FKBP1B: variants seen among roughly 807,000 people sequenced by gnomAD.
FKBP1B encodes the protein peptidyl-prolyl cis-trans isomerase FKBP1B.
A neutral mutation model predicts 13.5 loss-of-function variants in FKBP1B; 4 were observed. The ratio of observed to expected loss-of-function variants is 0.30; its 90% confidence interval spans 0.15 to 0.68. The LOEUF (loss-of-function observed/expected upper bound fraction) is 0.68, where lower values mean the gene tolerates loss of function less well. FKBP1B is among the 30% of genes least tolerant of loss of function. The probability of loss-of-function intolerance (pLI) is 0.76; values close to 1 mark genes in which losing one functional copy is unlikely to be tolerated. For missense variants in FKBP1B, 93 were observed against 136.2 expected, an observed-to-expected ratio of 0.68 and a Z score of 1.58; for synonymous variants, 54 against 53.6, an observed-to-expected ratio of 1.01 and a Z score of -0.03.
intron 2 of FKBP1B, chr2:24,054,314 C>T: frequency 2.5e-6 from 1 of 398,204 alleles, no homozygotes; most frequent in Non-Finnish European, 5.0e-6. Context: ...TTCTCTCCAT[C>T]CTGCAGTATC....
intron 2 of FKBP1B, 155 bp downstream of exon 2, chr2:24,054,104 C>A: frequency 2.7e-6 from 2 of 746,562 alleles, no homozygotes; most frequent in South Asian, 1.5e-5. Context: ...CTCCTCCCAG[C>A]CAGTCTAGTG....
At chr2:24,049,174 C>A (rs1488232675), upstream of FKBP1B, among the ~76,000 whole-genome samples, 2 of 152,034 alleles carry the variant, frequency 1.3e-5, no homozygotes, top group South Asian at 2.1e-4. Context: ...AGCAACACAG[C>A]GAGACCCCGT....
the FKBP1B span, chr2:24,037,877 G>T: frequency 9.3e-6 from 15 of 1,614,038 alleles, no homozygotes; most frequent in African/African-American, 1.3e-5. Context: ...GGCAAACGAG[G>T]AGGCTCCAGT....
the FKBP1B span, chr2:24,037,729 GA>G: frequency 6.2e-7 from 1 of 1,614,134 alleles, no homozygotes; most frequent in Middle Eastern, 1.6e-4. Context: ...ATACACTGAA[GA>G]GGATTTCTTC....
chr2:24,039,681 G>A, the FKBP1B span, among the ~76,000 whole-genome samples: 10,665 of 152,174 alleles, frequency 0.07, 1,231 homozygotes, highest in African/African-American at 0.24. Context: ...TCAGGCAAAT[G>A]CAATGTATAT....
chr2:24,062,431 G>A (rs1475038960), intron 3 of FKBP1B, among the ~76,000 whole-genome samples: 37 of 151,806 alleles, frequency 2.4e-4, no homozygotes, highest in Admixed American at 2.4e-3. Context: ...CACCTGCCTC[G>A]GCCTCCCAAA....
In FKBP1B at chr2:24,063,468, AG is replaced by A; in HGVS notation, c.*277del. The A allele has an allele frequency of 5.4e-6, 2 of 367,584 alleles. No individual in the cohort carries two copies. Among genetic ancestry groups the A allele is most frequent in the South Asian group, 7.2e-5 (1 of 13,852 alleles). The allele number at this position is 367,584 out of a possible 1,614,324, so 22.8% of individuals were successfully genotyped here. A position where few individuals can be genotyped will look rare whatever the true frequency, so the allele number is the denominator to read the frequency against. Reference sequence around the variant, plus strand: ...GTAGCCTTTCCTGATGACAGAACACAGATCTCTTGTTCGCACAATCTACACT... The same window carrying A: ...GTAGCCTTTCCTGATGACAGAACACAATCTCTTGTTCGCACAATCTACACT... On this transcript the variant is annotated 3_prime_UTR_variant, in exon 4 of 4. Coordinates refer to ENST00000380986, the MANE Select transcript of FKBP1B (RefSeq NM_004116.5).
the FKBP1B span, chr2:24,038,443 G>A: frequency 3.7e-6 from 6 of 1,614,038 alleles, no homozygotes; most frequent in African/African-American, 4.0e-5. Context: ...CACTACGTGG[G>A]CTTTAAGATT....
chr2:24,045,562 C>G (rs1284234187), upstream of FKBP1B, among the ~76,000 whole-genome samples: 1 of 140,536 alleles, frequency 7.1e-6, no homozygotes, highest in Non-Finnish European at 1.5e-5. Flanking sequence ...GTTTGCGCCA[C>G]TGCACTCCAG....
At chr2:24,061,311 A>G (rs775549982) in intron 3 of FKBP1B, among the ~76,000 whole-genome samples, 2 of 152,072 alleles carry the variant, frequency 1.3e-5, no homozygotes, top group African/African-American at 2.4e-5. Context: ...CTGAAAATAC[A>G]GGCGTGGTGG....
At chr2:24,057,170 T>C (rs1482613844) in intron 2 of FKBP1B, among the ~76,000 whole-genome samples, 2 of 151,990 alleles carry the variant, frequency 1.3e-5, no homozygotes, top group Non-Finnish European at 2.9e-5. Flanking sequence ...CTTTTCTTTC[T>C]TTTTAAAATT....
At chr2:24,061,167 C>T (rs1249892096) in intron 3 of FKBP1B, among the ~76,000 whole-genome samples, 1 of 152,124 alleles carries the variant, frequency 6.6e-6, no homozygotes. Context: ...TAGGCTTGCT[C>T]AGAACTAGCT....
chr2:24,044,599 A>G, the FKBP1B span, among the ~76,000 whole-genome samples: 2 of 152,088 alleles, frequency 1.3e-5, no homozygotes, highest in Admixed American at 1.3e-4. Flanking sequence ...ATGAATTTTA[A>G]TATTGTCATC....
At chr2:24,062,868 C>T in intron 3 of FKBP1B, 196 bp from the exon 4 acceptor site, 1 of 742,826 alleles carries the variant, frequency 1.3e-6, no homozygotes, top group Non-Finnish European at 2.2e-6. Flanking sequence ...CCCACAGTCA[C>T]ATCTCTGCTG....
the FKBP1B span, among the ~76,000 whole-genome samples, chr2:24,040,720 G>T: frequency 6.6e-6 from 1 of 152,146 alleles, no homozygotes; most frequent in African/African-American, 2.4e-5. Flanking sequence ...AATCACTAAA[G>T]AAGCATATGC....
chr2:24,037,120 C>T, the FKBP1B span, among the ~76,000 whole-genome samples: 8 of 152,318 alleles, frequency 5.3e-5, no homozygotes, highest in South Asian at 2.1e-4. Context: ...CTGTGCCTCC[C>T]GGGCTCAAGT....
intron 3 of FKBP1B, among the ~76,000 whole-genome samples, 160 bp downstream of exon 3, chr2:24,061,086 G>A (rs993075641): frequency 5.3e-5 from 8 of 152,168 alleles, no homozygotes; most frequent in Admixed American, 6.5e-5. Flanking sequence ...CTGGCTTTGC[G>A]TCCCCACCCC....
chr2:24,041,637 G>A, the FKBP1B span, among the ~76,000 whole-genome samples: 3 of 152,018 alleles, frequency 2.0e-5, no homozygotes, highest in Non-Finnish European at 2.9e-5. Context: ...CAGATTACCT[G>A]AGGTCAGGAG....
chr2:24,034,732 G>C, the FKBP1B span, among the ~76,000 whole-genome samples: 1 of 151,834 alleles, frequency 6.6e-6, no homozygotes, highest in African/African-American at 2.4e-5. Context: ...TGCCATCACG[G>C]CTGGCTAATT....
Sources: gnomAD v4.1 joint callset for allele counts (sites outside exome capture counted in the v4.1 genomes callset) on GRCh38, gnomAD v4.1.1 for gene constraint, MANE v1.5 for transcripts, NCBI Gene and HGNC (gene_info 2026-07-23, HGNC 2026-07-21) for gene names.